FOXP2: variants seen among roughly 807,000 people sequenced by gnomAD.
The protein encoded by FOXP2 is forkhead box protein P2.
FOXP2 carries 12 observed loss-of-function variants against 115.8 expected under a neutral mutation model. The ratio of observed to expected loss-of-function variants is 0.10; its 90% CI spans 0.07 to 0.17. The LOEUF (loss-of-function observed/expected upper bound fraction) is 0.17. Ranked by LOEUF, FOXP2 falls within the 10% of genes least tolerant of loss-of-function variation. The pLI is 1.00. For synonymous variants in FOXP2, 328 were observed against 297.7 expected (o/e 1.10, Z -1.05); for missense variants, 629 against 843.5 (o/e 0.75, Z 3.15).
At chr7:114,094,439 A>G (rs928601687) in intron 1 of FOXP2, among the ~76,000 whole-genome samples, 1 of 152,206 alleles carries the variant, frequency 6.6e-6, no homozygotes, top group Non-Finnish European at 1.5e-5. Flanking sequence ...CGTCTTGAGA[A>G]TATGAAAAGG....
chr7:114,256,866 C>T (rs1648946504), intron 1 of FOXP2, among the ~76,000 whole-genome samples: 1 of 152,200 alleles, frequency 6.6e-6, no homozygotes, highest in South Asian at 2.1e-4. Flanking sequence ...AATGGCCATA[C>T]TGCCCAAAGT....
chr7:114,171,337 C>A (rs1347955371), intron 1 of FOXP2, among the ~76,000 whole-genome samples: 2 of 152,102 alleles, frequency 1.3e-5, no homozygotes, highest in African/African-American at 4.8e-5. Flanking sequence ...TTTTGAGAGG[C>A]CAAGACAGGA....
chr7:114,219,135 T>G (rs1794556913), intron 1 of FOXP2, among the ~76,000 whole-genome samples: 1 of 152,284 alleles, frequency 6.6e-6, no homozygotes, highest in East Asian at 1.9e-4. Flanking sequence ...AGATTAATTA[T>G]ACTAACTTTC....
At chr7:114,149,129 A>C (rs1306953820) in intron 1 of FOXP2, among the ~76,000 whole-genome samples, 5 of 152,116 alleles carry the variant, frequency 3.3e-5, no homozygotes, top group African/African-American at 9.7e-5. Flanking sequence ...GAACTCTTTA[A>C]ATATCCTAAT....
At position 114,690,231 on chromosome 7, in the gene FOXP2, G is replaced by T. The variant is rs1476024309; in HGVS notation, c.*305G>T. ...TGGCTTTGCCCATTTAAAAAATGTG[G>T]CTCTTAAGGGTTCATGAAATGACTG... On this transcript the variant is annotated 3_prime_UTR_variant, in exon 17 of 17. Transcript: ENST00000350908. The T allele has an allele frequency of 8.4e-6, 4 of 477,384 alleles. No individual in the cohort carries two copies. Among genetic ancestry groups the T allele is most frequent in the Non-Finnish European group, 8.2e-6 (2 of 243,476 alleles). The allele number at this position is 477,384 out of a possible 1,614,324, so 29.6% of individuals were successfully genotyped here.
intron 1 of FOXP2, among the ~76,000 whole-genome samples, chr7:114,151,984 A>G (rs528996327): frequency 6.6e-4 from 100 of 152,152 alleles, no homozygotes; most frequent in Non-Finnish European, 1.1e-3. Flanking sequence ...AAGAGAGACT[A>G]AGAAACTAGT....
chr7:114,642,975 A>AT (rs1805662235), intron 7 of FOXP2, among the ~76,000 whole-genome samples: 1 of 150,190 alleles, frequency 6.7e-6, no homozygotes, highest in African/African-American at 2.4e-5. Flanking sequence ...CGCCTGGCTA[A>AT]TTTTTTGTAT....
chr7:114,237,067 G>C (rs1795027654), intron 1 of FOXP2, among the ~76,000 whole-genome samples: 1 of 152,058 alleles, frequency 6.6e-6, no homozygotes, highest in South Asian at 2.1e-4. Context: ...TCTGTGTGGG[G>C]GGCTGACATG....
intron 3 of FOXP2, among the ~76,000 whole-genome samples, chr7:114,617,530 A>T (rs2129321395): frequency 6.6e-6 from 1 of 152,338 alleles, no homozygotes; most frequent in Non-Finnish European, 1.5e-5. Flanking sequence ...GAGGCGGCTC[A>T]CGCGTGTAAT....
intron 2 of FOXP2, among the ~76,000 whole-genome samples, chr7:114,315,651 C>T (rs1797259952): frequency 6.6e-6 from 1 of 151,608 alleles, no homozygotes; most frequent in Non-Finnish European, 1.5e-5. Flanking sequence ...AACATAAATA[C>T]AGTAAATTCT....
chr7:114,169,703 C>T (rs1793085114), intron 1 of FOXP2, among the ~76,000 whole-genome samples: 1 of 146,276 alleles, frequency 6.8e-6, no homozygotes, highest in Admixed American at 7.0e-5. Flanking sequence ...GGGGTCAGGG[C>T]TGGAATGATA....
chr7:114,686,457 G>A (rs186139295), intron 16 of FOXP2, among the ~76,000 whole-genome samples: 72 of 152,328 alleles, frequency 4.7e-4, no homozygotes, highest in African/African-American at 1.5e-3. Flanking sequence ...ACAGGAGTGA[G>A]CCACAGCGCC....
intron 1 of FOXP2, among the ~76,000 whole-genome samples, chr7:114,250,750 C>T (rs1001357775): frequency 4.6e-5 from 7 of 152,140 alleles, no homozygotes; most frequent in African/African-American, 1.4e-4. Context: ...TGTAGGTTGC[C>T]TGTTCACTCT....
intron 2 of FOXP2, among the ~76,000 whole-genome samples, chr7:114,495,483 C>CTCTTTTTTTTTTTTTTTTTTTTTT (rs776653007): frequency 6.5e-5 from 4 of 61,446 alleles, no homozygotes; most frequent in African/African-American, 1.4e-4. Flanking sequence ...TTCTCTCTCT[C>CTCTTTTTTTTTTTTTTTTTTTTTT]TTTTTTTTTT....
At chr7:114,219,683 C>A (rs983732646) in intron 1 of FOXP2, among the ~76,000 whole-genome samples, 2 of 151,968 alleles carry the variant, frequency 1.3e-5, no homozygotes, top group South Asian at 2.1e-4. Flanking sequence ...AATATGATCC[C>A]TTTTTTACTT....
intron 2 of FOXP2, among the ~76,000 whole-genome samples, chr7:114,462,535 C>CTTCTCAGCA (rs1795623753): frequency 6.6e-6 from 1 of 151,744 alleles, no homozygotes; most frequent in Admixed American, 6.6e-5. Flanking sequence ...CCACGCCCTG[C>CTTCTCAGCA]TAATTTTTGT....
intron 1 of FOXP2, among the ~76,000 whole-genome samples, chr7:114,180,928 T>C (rs1244013483): frequency 6.6e-6 from 1 of 151,888 alleles, no homozygotes; most frequent in Non-Finnish European, 1.5e-5. Flanking sequence ...TAAAAAAAAA[T>C]GAGTAATTTT....
intron 3 of FOXP2, among the ~76,000 whole-genome samples, chr7:114,604,444 T>A (rs1053237536): frequency 6.6e-6 from 1 of 152,198 alleles, no homozygotes; most frequent in Non-Finnish European, 1.5e-5. Context: ...ATATGTTATG[T>A]CAATCTATGG....
chr7:114,556,092 G>A (rs1397380437), intron 3 of FOXP2, among the ~76,000 whole-genome samples: 1 of 152,186 alleles, frequency 6.6e-6, no homozygotes, highest in African/African-American at 2.4e-5. Flanking sequence ...TACTACTGGA[G>A]TTTTCTTGGC....
Sources: gnomAD v4.1 joint callset for allele counts (sites outside exome capture counted in the v4.1 genomes callset) on GRCh38, gnomAD v4.1.1 for gene constraint, MANE v1.5 for transcripts, NCBI Gene and HGNC (gene_info 2026-07-23, HGNC 2026-07-21) for gene names.